The following LRP1B variants were observed in gnomAD, a reference collection of about 807,000 sequenced individuals.
The protein encoded by LRP1B is low-density lipoprotein receptor-related protein 1B.
A neutral mutation model predicts 556.6 loss-of-function variants in LRP1B; 217 were observed. The ratio of observed to expected loss-of-function variants is 0.39; its 90% CI spans 0.35 to 0.44. The LOEUF is 0.44. Ranked by LOEUF, LRP1B falls within the 20% of genes least tolerant of loss-of-function variation. The pLI, the probability that LRP1B is intolerant of heterozygous loss-of-function variation, is 1.00. For missense variants in LRP1B, 5,053 were observed against 5,620.8 expected (o/e 0.90, Z 3.23); for synonymous variants, 2,047 against 1,865.8 (o/e 1.10, Z -2.50).
At chr2:140,472,134 C>T (rs1331263945) in intron 60 of LRP1B, among the ~76,000 whole-genome samples, 1 of 152,118 alleles carries the variant, frequency 6.6e-6, no homozygotes, top group Admixed American at 6.6e-5. Flanking sequence ...TTGAGTTATT[C>T]TCTGAAGGTA....
chr2:140,940,493 AT>A (rs1468045187), intron 20 of LRP1B, among the ~76,000 whole-genome samples: 2 of 152,184 alleles, frequency 1.3e-5, no homozygotes, highest in African/African-American at 4.8e-5. Flanking sequence ...CTGAAGTTTC[AT>A]GATAACTTTA....
chr2:141,263,086 G>A (rs1416965020), intron 3 of LRP1B, among the ~76,000 whole-genome samples: 3 of 151,690 alleles, frequency 2.0e-5, no homozygotes, highest in Admixed American at 1.3e-4. Context: ...CCTGCATATA[G>A]CTCTTCTACA....
intron 1 of LRP1B, among the ~76,000 whole-genome samples, chr2:141,957,993 A>G (rs1701304476): frequency 6.6e-6 from 1 of 152,058 alleles, no homozygotes; most frequent in Non-Finnish European, 1.5e-5. Flanking sequence ...CTCTGCAAGT[A>G]TTCTCTGTGA....
At chr2:141,300,811 C>T (rs1378881313) in intron 3 of LRP1B, among the ~76,000 whole-genome samples, 1 of 152,104 alleles carries the variant, frequency 6.6e-6, no homozygotes, top group Non-Finnish European at 1.5e-5. Flanking sequence ...GAATCGTGAG[C>T]CAATTAAACC....
chr2:141,066,602 C>T (rs2105475609), intron 7 of LRP1B, among the ~76,000 whole-genome samples: 1 of 151,764 alleles, frequency 6.6e-6, no homozygotes, highest in East Asian at 1.9e-4. Context: ...TACTTTAACT[C>T]AAAAAAACAT....
chr2:140,740,749 G>A (rs566706779), intron 35 of LRP1B, among the ~76,000 whole-genome samples: 7 of 152,232 alleles, frequency 4.6e-5, no homozygotes, highest in Admixed American at 1.3e-4. Flanking sequence ...CTGAGGCCTC[G>A]ATCTTGGCCT....
At chr2:141,131,231 A>G (rs1409680616) in intron 7 of LRP1B, among the ~76,000 whole-genome samples, 1 of 151,926 alleles carries the variant, frequency 6.6e-6, no homozygotes, top group Non-Finnish European at 1.5e-5. Flanking sequence ...GTAAGTCAAA[A>G]ACATTGGTAT....
intron 73 of LRP1B, 137 bp downstream of exon 73, chr2:140,358,684 T>A: frequency 1.1e-6 from 1 of 894,004 alleles, no homozygotes; most frequent in Non-Finnish European, 1.7e-6. Context: ...TTTTTATACC[T>A]TGTCAGAAGA....
intron 3 of LRP1B, among the ~76,000 whole-genome samples, chr2:141,297,396 A>G (rs558439573): frequency 3.2e-4 from 48 of 152,324 alleles, no homozygotes; most frequent in Admixed American, 3.1e-3. Flanking sequence ...AGAGCAGTTT[A>G]GTGATTTCTC....
At position 140,315,115 on chromosome 2, in the gene LRP1B, A is replaced by C. The variant is rs996836127; in HGVS notation, c.12641-16T>G. ...CATGAATCATCTGTTTATGAGAAGA[A>C]ATGTACAAATTAGCATGTTTTCAGG... On this transcript the variant is annotated splice_polypyrimidine_tract_variant and intron_variant, in intron 82 of 90. Coordinates refer to ENST00000389484, the MANE Select transcript of LRP1B (RefSeq NM_018557.3). The C allele has an allele frequency of 6.4e-7, 1 of 1,570,726 alleles. No individual in the cohort carries two copies. The highest frequency in any genetic ancestry group is 1.4e-5 in the African/African-American group (1 of 73,818).
intron 66 of LRP1B, among the ~76,000 whole-genome samples, chr2:140,421,891 C>T (rs1314616154): frequency 6.6e-6 from 1 of 152,164 alleles, no homozygotes; most frequent in Non-Finnish European, 1.5e-5. Flanking sequence ...GTCCAGTGCC[C>T]TGCCACATCA....
At chr2:140,294,601 C>T (rs1683526242) in intron 84 of LRP1B, among the ~76,000 whole-genome samples, 1 of 152,046 alleles carries the variant, frequency 6.6e-6, no homozygotes, top group African/African-American at 2.4e-5. Flanking sequence ...GAAGCTGGCT[C>T]TATATAGGGA....
At chr2:141,700,476 G>A (rs113218057) in intron 2 of LRP1B, among the ~76,000 whole-genome samples, 45 of 151,710 alleles carry the variant, frequency 3.0e-4, no homozygotes, top group South Asian at 8.3e-4. Context: ...TTGAGCTAAC[G>A]TTTTTCATTA....
chr2:141,161,493 A>ATTTT, intron 7 of LRP1B, among the ~76,000 whole-genome samples: 1 of 152,282 alleles, frequency 6.6e-6, no homozygotes, highest in African/African-American at 2.4e-5. Flanking sequence ...TTTGACGAAA[A>ATTTT]GACTAGAATT....
intron 1 of LRP1B, among the ~76,000 whole-genome samples, chr2:142,010,554 C>CAAAAAAAA (rs33927334): frequency 1.0e-4 from 6 of 60,240 alleles, no homozygotes; most frequent in Non-Finnish European, 9.0e-5. Flanking sequence ...GATTCTGTCT[C>CAAAAAAAA]AAAAAAAAAA....
chr2:141,891,311 T>G (rs1206079160), intron 1 of LRP1B, among the ~76,000 whole-genome samples: 1 of 152,118 alleles, frequency 6.6e-6, no homozygotes, highest in East Asian at 1.9e-4. Flanking sequence ...AGGCAGCTGG[T>G]TGTGTAAGAA....
chr2:140,939,209 T>C (rs1695321137), intron 20 of LRP1B, among the ~76,000 whole-genome samples: 1 of 152,080 alleles, frequency 6.6e-6, no homozygotes, highest in African/African-American at 2.4e-5. Flanking sequence ...CAGTATCAAA[T>C]ATCATGCTTA....
chr2:141,683,324 A>C (rs1183771138), intron 2 of LRP1B, among the ~76,000 whole-genome samples: 1 of 152,164 alleles, frequency 6.6e-6, no homozygotes, highest in East Asian at 1.9e-4. Context: ...GAGGGCTTAC[A>C]AGAAACTGAG....
chr2:141,318,633 G>T (rs900865726), intron 3 of LRP1B, among the ~76,000 whole-genome samples: 2 of 152,070 alleles, frequency 1.3e-5, no homozygotes, highest in African/African-American at 4.8e-5. Context: ...AAGCAAAATG[G>T]CTGGAGGGGA....
Sources: allele counts gnomAD v4.1 joint callset (sites outside exome capture counted in the v4.1 genomes callset), GRCh38; gene constraint gnomAD v4.1.1; transcripts MANE v1.5; gene names NCBI Gene and HGNC (gene_info 2026-07-23, HGNC 2026-07-21).